The following PLBD1 variants were observed in gnomAD, a reference collection of about 807,000 sequenced individuals.
PLBD1 encodes the protein phospholipase B domain containing 1, also known as lysosomal leucine aminopeptidase.
PLBD1 carries 60 observed loss-of-function variants against 63.0 expected under a neutral mutation model. The ratio of observed to expected loss-of-function variants is 0.95; its 90% CI spans 0.77 to 1.18. The LOEUF is 1.18. Ranked by LOEUF, PLBD1 falls within the 50% of genes most tolerant of loss-of-function variation. The probability of loss-of-function intolerance (pLI) is 0.00; values close to 1 mark genes in which losing one functional copy is unlikely to be tolerated. For missense variants in PLBD1, 598 were observed against 677.9 expected (o/e 0.88, Z 1.31); for synonymous variants, 262 against 248.0 (o/e 1.06, Z -0.53).
rs1241712631 is a variant in PLBD1, at chr12:14,503,875, A to G, written c.1559T>C (p.Phe520Ser). Residue 520 changes from phenylalanine (F) to serine (S), a missense_variant, in exon 11 of 11, where the codon TTT becomes TCT. Physicochemically the swap from Phe to Ser is radical, Grantham distance 155. Coordinates refer to ENST00000240617, the MANE Select transcript of PLBD1 (RefSeq NM_024829.6). The stretch of plus-strand genomic sequence containing the variant: ...AGTTTTGTTGAAACGGTCCCAGCGA[A>G]AAACAGGGAGGCCACCTTGTACTGT... ...GPTVQGGLPV[F>S]RWDRFNKTLH... The G allele has an allele frequency of 7.4e-6, 12 of 1,613,940 alleles. No individual in the cohort carries two copies. Among genetic ancestry groups the G allele is most frequent in the Middle Eastern group, 1.6e-4 (1 of 6,084 alleles).
At chr12:14,543,707 A>G (rs999726440) in intron 2 of PLBD1, among the ~76,000 whole-genome samples, 2 of 152,228 alleles carry the variant, frequency 1.3e-5, no homozygotes, top group Admixed American at 6.5e-5. Flanking sequence ...CCTGGGCAAC[A>G]GAGCAAGACT....
intron 1 of PLBD1, among the ~76,000 whole-genome samples, chr12:14,557,011 ACTGT>A (rs200599568): frequency 0.039 from 5,630 of 144,936 alleles, 134 homozygotes; most frequent in African/African-American, 0.049. Flanking sequence ...AAAAAAAAAG[ACTGT>A]CTGTCACGCT....
chr12:14,510,910 C>G (rs1459271647), intron 8 of PLBD1, among the ~76,000 whole-genome samples: 1 of 152,162 alleles, frequency 6.6e-6, no homozygotes, highest in Non-Finnish European at 1.5e-5. Context: ...GATTCTGTAT[C>G]CTTGCTTTTC....
intron 6 of PLBD1, among the ~76,000 whole-genome samples, chr12:14,534,950 T>A (rs1427966903): frequency 6.6e-6 from 1 of 152,222 alleles, no homozygotes; most frequent in African/African-American, 2.4e-5. Flanking sequence ...CGTCCATCTC[T>A]ACTTTTTCAA....
intron 2 of PLBD1, among the ~76,000 whole-genome samples, chr12:14,545,619 G>C (rs1273781746): frequency 6.6e-5 from 10 of 152,124 alleles, no homozygotes; most frequent in Non-Finnish European, 1.3e-4. Context: ...TTCAGAATTG[G>C]AGGCCATTCT....
At position 14,513,748 on chromosome 12, in the gene PLBD1, A is replaced by T. The variant is rs141320071; in HGVS notation, c.845-2037T>A. ...TTGAAATTTCTTGAGTAGGAAAGTT[A>T]CACGATGAGAGGACTGTCCAACTAA... is the stretch of plus-strand genomic sequence containing the variant. On this transcript the variant is annotated intron_variant, in intron 6 of 10. Transcript: ENST00000240617. Among the ~76,000 whole-genome samples the T allele has an allele frequency of 2.0e-3, 299 of 151,660 alleles. 2 individuals are homozygous for T. Among genetic ancestry groups the T allele is most frequent in the Middle Eastern group, 7.0e-3 (2 of 286 alleles).
intron 6 of PLBD1, among the ~76,000 whole-genome samples, chr12:14,518,563 T>C (rs1945352564): frequency 6.6e-6 from 1 of 152,192 alleles, no homozygotes; most frequent in African/African-American, 2.4e-5. Context: ...AACTGTGATC[T>C]CTTAGGCAGC....
chr12:14,529,971 G>A (rs918109657), intron 6 of PLBD1, among the ~76,000 whole-genome samples: 11 of 152,100 alleles, frequency 7.2e-5, no homozygotes, highest in Non-Finnish European at 1.3e-4. Context: ...AAATTCTTTG[G>A]CACCCTTCTC....
At chr12:14,527,111 GAAC>G (rs1288221495) in intron 6 of PLBD1, among the ~76,000 whole-genome samples, 1 of 152,146 alleles carries the variant, frequency 6.6e-6, no homozygotes, top group African/African-American at 2.4e-5. Context: ...TTCTTGGTAT[GAAC>G]TACTACCGTA....
At chr12:14,550,038 T>C (rs1945645045) in intron 2 of PLBD1, among the ~76,000 whole-genome samples, 1 of 152,176 alleles carries the variant, frequency 6.6e-6, no homozygotes, top group African/African-American at 2.4e-5. Context: ...TCTGTTCCAT[T>C]ACATTCTGCT....
intron 6 of PLBD1, among the ~76,000 whole-genome samples, chr12:14,522,162 G>A (rs937479226): frequency 3.3e-5 from 5 of 152,056 alleles, no homozygotes. Context: ...GAGAAGAGAT[G>A]GAGAAGGGCA....
intron 1 of PLBD1, among the ~76,000 whole-genome samples, chr12:14,558,282 T>C (rs1002739563): frequency 1.3e-5 from 2 of 152,130 alleles, no homozygotes; most frequent in Non-Finnish European, 2.9e-5. Flanking sequence ...TCGGAAGTAA[T>C]GGCATTAAGA....
At chr12:14,540,047 TATATATACACAC>T (rs1945557104) in intron 4 of PLBD1, among the ~76,000 whole-genome samples, 1 of 48,056 alleles carries the variant, frequency 2.1e-5, no homozygotes, top group Admixed American at 2.5e-4. Flanking sequence ...TATATATATA[TATATATACACAC>T]ACACACTGGT....
chr12:14,527,862 CAGTA>C (rs1040766501), intron 6 of PLBD1, among the ~76,000 whole-genome samples: 2 of 146,378 alleles, frequency 1.4e-5, no homozygotes, highest in Non-Finnish European at 3.0e-5. Flanking sequence ...AAGATGAAAA[CAGTA>C]AGCATAAGAA....
At chr12:14,559,699 G>A (rs917704991) in intron 1 of PLBD1, among the ~76,000 whole-genome samples, 2 of 152,066 alleles carry the variant, frequency 1.3e-5, no homozygotes, top group Non-Finnish European at 2.9e-5. Context: ...AATATCTGTT[G>A]AATGAATGGG....
intron 6 of PLBD1, among the ~76,000 whole-genome samples, chr12:14,527,166 C>G (rs1056754639): frequency 3.3e-5 from 5 of 152,054 alleles, no homozygotes; most frequent in African/African-American, 9.7e-5. Flanking sequence ...GACATCTAGC[C>G]CCATCTCTAA....
chr12:14,516,765 A>T (rs1945340124), intron 6 of PLBD1, among the ~76,000 whole-genome samples: 1 of 152,130 alleles, frequency 6.6e-6, no homozygotes, highest in Admixed American at 6.5e-5. Context: ...GAGGCCAGGC[A>T]AGGTGGCTTA....
At chr12:14,531,958 A>G (rs1945467231) in intron 6 of PLBD1, among the ~76,000 whole-genome samples, 1 of 152,236 alleles carries the variant, frequency 6.6e-6, no homozygotes, top group South Asian at 2.1e-4. Flanking sequence ...ATTTGAAAGT[A>G]GGTACATAAA....
At chr12:14,557,386 A>T (rs1036639326) in intron 1 of PLBD1, among the ~76,000 whole-genome samples, 2 of 152,164 alleles carry the variant, frequency 1.3e-5, no homozygotes, top group Admixed American at 6.5e-5. Context: ...CACTACTCAC[A>T]ATAGCAAAGA....
Sources: allele counts gnomAD v4.1 joint callset (sites outside exome capture counted in the v4.1 genomes callset), GRCh38; gene constraint gnomAD v4.1.1; transcripts MANE v1.5; gene names NCBI Gene and HGNC (gene_info 2026-07-23, HGNC 2026-07-21).